SLCO1B1: variants seen among roughly 807,000 people sequenced by gnomAD.
The protein encoded by SLCO1B1 is OATP-2.
A neutral mutation model predicts 70.1 loss-of-function variants in SLCO1B1; 81 were observed. That is an observed-to-expected ratio of 1.16 (90% CI 0.97 to 1.39). The LOEUF (loss-of-function observed/expected upper bound fraction) is 1.39. SLCO1B1 is among the 40% of genes most tolerant of loss of function. SLCO1B1 has a pLI of 0.00. For synonymous variants in SLCO1B1, 283 were observed against 271.5 expected (o/e 1.04, Z -0.42); for missense variants, 895 against 799.6 (o/e 1.12, Z -1.44).
chr12:21,219,795 C>G (rs113187556), intron 12 of SLCO1B1, among the ~76,000 whole-genome samples: 2,523 of 152,258 alleles, frequency 0.017, 66 homozygotes, highest in African/African-American at 0.058. Flanking sequence ...CAGTCTTGCT[C>G]TGTCACCCAG....
chr12:21,198,229 T>C lies in SLCO1B1; in HGVS notation c.970+1041T>C, dbSNP rs1015566798. The stretch of plus-strand genomic sequence containing the variant: ...TATATTGGCTCATAGCAGAGGACTG[T>C]TAAGTTTCAGCTACATTGGTAGGTT... On this transcript the variant is annotated intron_variant, in intron 8 of 14. Coordinates refer to ENST00000256958, the MANE Select transcript of SLCO1B1 (RefSeq NM_006446.5). Among the ~76,000 whole-genome samples, 6 of 152,122 alleles carry C rather than the reference T, an allele frequency of 3.9e-5. No individual in the cohort carries two copies. In the East Asian group the frequency reaches 9.6e-4, roughly 24 times the overall value.
intron 2 of SLCO1B1, among the ~76,000 whole-genome samples, chr12:21,147,077 C>A (rs1171926094): frequency 2.6e-5 from 4 of 152,080 alleles, no homozygotes; most frequent in Admixed American, 1.3e-4. Context: ...CTGGCTTTTA[C>A]TTCAGATAGT....
chr12:21,164,873 AT>A (rs543359252), intron 2 of SLCO1B1: 140 of 479,880 alleles, frequency 2.9e-4, no homozygotes, highest in African/African-American at 2.6e-3. Context: ...TATGGCAATT[AT>A]AAAACTCAAT....
chr12:21,205,159 G>T (rs1434623744), intron 10 of SLCO1B1, among the ~76,000 whole-genome samples: 2 of 151,454 alleles, frequency 1.3e-5, no homozygotes, highest in Admixed American at 1.3e-4. Flanking sequence ...ACATTTGAAA[G>T]AAAATAATTT....
At chr12:21,134,896 T>G (rs936224172) in intron 1 of SLCO1B1, among the ~76,000 whole-genome samples, 1 of 152,316 alleles carries the variant, frequency 6.6e-6, no homozygotes, top group South Asian at 2.1e-4. Context: ...TGTTTGCTCT[T>G]GCTTTTCTAG....
chr12:21,202,642 C>T lies in SLCO1B1; in HGVS notation c.1287C>T (p.Leu429=). Residue 429 remains leucine, a synonymous_variant, in exon 10 of 15, where the codon CTC becomes CTT. Transcript: ENST00000256958. The part of the protein sequence containing the change: ...LSFYLLYFFI[L]CENKSVAGLT... ...TTTACCTATTATATTTTTTCATACT[C>T]TGTGAAAACAAATCAGTTGCCGGAC... 4.3e-6 allele frequency: 7 copies of T among 1,612,754 alleles called. No homozygotes were observed. Among genetic ancestry groups the T allele is most frequent in the East Asian group, 2.2e-5 (1 of 44,734 alleles).
chr12:21,176,918 T>C (rs1940828191), intron 5 of SLCO1B1, 21 bp downstream of exon 5: 1 of 1,517,362 alleles, frequency 6.6e-7, no homozygotes, highest in African/African-American at 1.4e-5. Flanking sequence ...ATATTGACAG[T>C]AAAAAGTCTT....
intron 2 of SLCO1B1, among the ~76,000 whole-genome samples, chr12:21,166,243 A>C (rs1940683807): frequency 6.6e-6 from 1 of 152,182 alleles, no homozygotes; most frequent in Admixed American, 6.6e-5. Context: ...GAGGCACATT[A>C]TGATCAAACT....
intron 1 of SLCO1B1, among the ~76,000 whole-genome samples, chr12:21,131,859 T>C (rs539547688): frequency 6.6e-6 from 1 of 152,302 alleles, no homozygotes; most frequent in Admixed American, 6.5e-5. Context: ...TATTATACTT[T>C]AAGTTTTAGG....
chr12:21,198,281 C>T (rs1371887802), intron 8 of SLCO1B1, among the ~76,000 whole-genome samples: 1 of 152,012 alleles, frequency 6.6e-6, no homozygotes, highest in Non-Finnish European at 1.5e-5. Flanking sequence ...AGAGAATTAC[C>T]ATGATTTATT....
intron 7 of SLCO1B1, among the ~76,000 whole-genome samples, chr12:21,194,098 C>T (rs1408107561): frequency 6.8e-6 from 1 of 147,510 alleles, no homozygotes; most frequent in African/African-American, 2.5e-5. Flanking sequence ...GCCAAGTCAT[C>T]ACCCTTTATT....
chr12:21,209,511 A>G (rs1386431991), intron 11 of SLCO1B1, among the ~76,000 whole-genome samples: 2 of 152,316 alleles, frequency 1.3e-5, no homozygotes, highest in South Asian at 2.1e-4. Flanking sequence ...TAATGCCACA[A>G]TAAACATACG....
intron 4 of SLCO1B1, among the ~76,000 whole-genome samples, chr12:21,176,025 T>G (rs984530482): frequency 3.3e-5 from 5 of 152,118 alleles, no homozygotes; most frequent in African/African-American, 1.2e-4. Flanking sequence ...TTACCTGTCA[T>G]TCTCATGTTG....
intron 7 of SLCO1B1, among the ~76,000 whole-genome samples, chr12:21,189,731 C>T (rs1404951860): frequency 1.3e-5 from 2 of 152,090 alleles, no homozygotes. Context: ...TACAGGTTAT[C>T]AGCCACTGAC....
intron 14 of SLCO1B1, 101 bp downstream of exon 14, chr12:21,224,940 C>A: frequency 1.5e-6 from 1 of 653,080 alleles, no homozygotes; most frequent in South Asian, 2.1e-5. Flanking sequence ...TGATAGCCAC[C>A]ATTTAATGAA....
chr12:21,201,877 G>C (rs1280514177), intron 9 of SLCO1B1, among the ~76,000 whole-genome samples: 1 of 151,994 alleles, frequency 6.6e-6, no homozygotes, highest in African/African-American at 2.4e-5. Context: ...AAAGTAATAA[G>C]ATTGGCATTC....
At chr12:21,176,627 A>G in intron 4 of SLCO1B1, 149 bp from the exon 5 acceptor site, 2 of 635,234 alleles carry the variant, frequency 3.1e-6, no homozygotes, top group Non-Finnish European at 5.6e-6. Flanking sequence ...ACATCTCTTA[A>G]AACACATGCT....
chr12:21,238,910 G>A, intron 14 of SLCO1B1, 69 bp from the exon 15 acceptor site: 2 of 910,478 alleles, frequency 2.2e-6, no homozygotes, highest in Non-Finnish European at 3.5e-6. Flanking sequence ...CTGGATACTG[G>A]AGAAAATGTT....
chr12:21,139,127 C>G (rs1940271791), intron 1 of SLCO1B1, among the ~76,000 whole-genome samples: 1 of 151,820 alleles, frequency 6.6e-6, no homozygotes, highest in African/African-American at 2.4e-5. Flanking sequence ...AAATCGAAGC[C>G]TAAAACTAAA....
Sources: allele counts gnomAD v4.1 joint callset (sites outside exome capture counted in the v4.1 genomes callset), GRCh38; gene constraint gnomAD v4.1.1; transcripts MANE v1.5; gene names NCBI Gene and HGNC (gene_info 2026-07-23, HGNC 2026-07-21).